Variants in DAB2IP observed in about 807,000 individuals in gnomAD.
DAB2IP encodes disabled homolog 2-interacting protein.
DAB2IP carries 28 observed loss-of-function variants against 107.2 expected under a neutral mutation model. The observed-to-expected ratio is 0.26, with a 90% confidence interval of 0.19 to 0.36. The LOEUF is 0.36. Ranked by LOEUF, DAB2IP falls within the 10% of genes least tolerant of loss-of-function variation. DAB2IP has a pLI of 1.00. For synonymous variants in DAB2IP, 755 were observed against 706.4 expected, an observed-to-expected ratio of 1.07 and a Z score of -1.09; for missense variants, 1,400 against 1,644.7, an observed-to-expected ratio of 0.85 and a Z score of 2.57.
At chr9:121,670,949 G>C (rs1282946288) in intron 1 of DAB2IP, among the ~76,000 whole-genome samples, 1 of 152,056 alleles carries the variant, frequency 6.6e-6, no homozygotes, top group Non-Finnish European at 1.5e-5. Flanking sequence ...TCAAGAGATC[G>C]AGACCATCCT....
At chr9:121,721,669 C>T (rs1830943184) in intron 3 of DAB2IP, among the ~76,000 whole-genome samples, 1 of 152,192 alleles carries the variant, frequency 6.6e-6, no homozygotes, top group African/African-American at 2.4e-5. Context: ...TAAATGTTGG[C>T]ATTTGATTCA....
At chr9:121,733,755 G>C (rs1447188935) in intron 3 of DAB2IP, among the ~76,000 whole-genome samples, 2 of 152,206 alleles carry the variant, frequency 1.3e-5, no homozygotes, top group Non-Finnish European at 2.9e-5. Flanking sequence ...GGCCTTGAAA[G>C]GTGAATGAAA....
chr9:121,744,806 G>T (rs1335976295), intron 3 of DAB2IP, among the ~76,000 whole-genome samples: 1 of 152,194 alleles, frequency 6.6e-6, no homozygotes, highest in Non-Finnish European at 1.5e-5. Flanking sequence ...GTGTGCATAG[G>T]CGCAAACCCT....
rs118181530 is a variant in DAB2IP, at chr9:121,719,898, G to A, written c.362+20440G>A. ...GGGGTGGCAGCTCCTCTCAGGGCAG[G>A]GGCCCTGTAGTCTACTCCCCAAGCA... On this transcript the variant is annotated intron_variant, in intron 3 of 15. Coordinates refer to ENST00000408936, the Ensembl canonical transcript of DAB2IP. Among the ~76,000 whole-genome samples the A allele has an allele frequency of 2.6e-3, 397 of 152,312 alleles. No individual in the cohort carries two copies. In the Middle Eastern group the frequency reaches 0.048, roughly 18 times the overall value.
At chr9:121,705,403 T>A (rs1197863910) in intron 3 of DAB2IP, among the ~76,000 whole-genome samples, 1 of 152,230 alleles carries the variant, frequency 6.6e-6, no homozygotes, top group African/African-American at 2.4e-5. Flanking sequence ...GGGGTGAGAC[T>A]GTATAAAGTT....
intron 3 of DAB2IP, among the ~76,000 whole-genome samples, chr9:121,724,729 C>G (rs980591076): frequency 3.9e-5 from 6 of 152,192 alleles, no homozygotes; most frequent in African/African-American, 1.4e-4. Context: ...GGTGGATTGA[C>G]TAGCCCAATG....
chr9:121,672,270 C>T (rs892501101), intron 1 of DAB2IP, among the ~76,000 whole-genome samples: 1 of 152,192 alleles, frequency 6.6e-6, no homozygotes, highest in Admixed American at 6.5e-5. Context: ...TACACTCTTG[C>T]TGACTTCTTT....
At chr9:121,640,119 C>T (rs2119032193) in intron 1 of DAB2IP, among the ~76,000 whole-genome samples, 1 of 152,284 alleles carries the variant, frequency 6.6e-6, no homozygotes, top group East Asian at 1.9e-4. Context: ...CTCAGGGGTC[C>T]TTCCTGTGCA....
chr9:121,568,834 G>C (rs942398469), intron 1 of DAB2IP, among the ~76,000 whole-genome samples: 2 of 152,234 alleles, frequency 1.3e-5, no homozygotes, highest in African/African-American at 2.4e-5. Context: ...CTGTCCTCCA[G>C]ATTTGCTAGT....
intron 13 of DAB2IP, among the ~76,000 whole-genome samples, chr9:121,775,155 G>A (rs1835108338): frequency 6.6e-6 from 1 of 152,196 alleles, no homozygotes; most frequent in Non-Finnish European, 1.5e-5. Flanking sequence ...AGTCCATGTA[G>A]ACGGAGGAAC....
intron 3 of DAB2IP, among the ~76,000 whole-genome samples, chr9:121,734,071 T>C (rs1282265600): frequency 2.0e-5 from 3 of 152,208 alleles, no homozygotes; most frequent in Non-Finnish European, 4.4e-5. Context: ...CTCTGTACTT[T>C]TATGTGTTAC....
intron 1 of DAB2IP, among the ~76,000 whole-genome samples, chr9:121,592,371 A>AAAAAAAG (rs1564688169): frequency 6.6e-6 from 1 of 152,112 alleles, no homozygotes; most frequent in African/African-American, 2.4e-5. Flanking sequence ...ATCTCAAAAA[A>AAAAAAAG]AAAAAAGAAA....
chr9:121,739,298 T>G (rs1249985718), intron 3 of DAB2IP, among the ~76,000 whole-genome samples: 1 of 152,092 alleles, frequency 6.6e-6, no homozygotes, highest in Non-Finnish European at 1.5e-5. Context: ...GAGACTTTGG[T>G]GTGTGTGGTG....
Position 121,728,840 on chromosome 9 carries a change from G to T in DAB2IP, c.363-28173G>T, listed in dbSNP as rs185959300. On this transcript the variant is annotated intron_variant, in intron 3 of 15. Coordinates refer to ENST00000408936, the Ensembl canonical transcript of DAB2IP. ...GGGGAGGGGGGGACAGCCAGGGGAAGGGGTTATTTAAACACACTTCAAAGA... is the reference window on the plus strand; with the variant it reads ...GGGGAGGGGGGGACAGCCAGGGGAATGGGTTATTTAAACACACTTCAAAGA... 6.4e-3 allele frequency among the ~76,000 whole-genome samples: 971 copies of T among 152,180 alleles called. 7 individuals are homozygous for T. The highest frequency in any genetic ancestry group is 0.023 in the African/African-American group (937 of 41,512).
intron 9 of DAB2IP, among the ~76,000 whole-genome samples, chr9:121,767,490 C>T (rs1834370778): frequency 6.6e-6 from 1 of 152,226 alleles, no homozygotes; most frequent in Admixed American, 6.5e-5. Flanking sequence ...AACTGCATGT[C>T]AGGGTGAGGC....
intron 1 of DAB2IP, among the ~76,000 whole-genome samples, chr9:121,645,620 A>G (rs1451367712): frequency 1.3e-5 from 2 of 152,152 alleles, no homozygotes; most frequent in African/African-American, 4.8e-5. Flanking sequence ...CTGGGATGAG[A>G]GAGCCAACCA....
chr9:121,690,073 T>C (rs1276150290), intron 2 of DAB2IP, among the ~76,000 whole-genome samples: 7 of 152,244 alleles, frequency 4.6e-5, no homozygotes, highest in Non-Finnish European at 8.8e-5. Context: ...AGAGAAGTCA[T>C]GGGAAGCTCT....
At chr9:121,773,247 C>A (rs56200518) in exon 12 of DAB2IP, 7 of 1,549,414 alleles carry the variant, frequency 4.5e-6, no homozygotes, top group Non-Finnish European at 6.1e-6. Context: ...CACGGTGCCA[C>A]GGCAGAACAG....
In DAB2IP at chr9:121,760,334, C is replaced by T. The variant is rs1417990315; in HGVS notation, c.1065C>T (p.His355=). 6.2e-7 allele frequency: 1 copy of T among 1,613,266 alleles called. No homozygotes were observed. Among genetic ancestry groups the T allele is most frequent in the Non-Finnish European group, 8.5e-7 (1 of 1,180,042 alleles). The change falls in exon 6 of 16, where the codon CAC becomes CAT. Residue 355 remains histidine (H), a synonymous_variant. Coordinates refer to ENST00000408936, the Ensembl canonical transcript of DAB2IP. The surrounding 1 kb of genome is among the most constrained non-coding windows in gnomAD (Gnocchi z 5.9). ...AGTTCGCTGAGCACATCACCAACCA[C>T]TACCTGGGGCTGTGTGCAGCCCTCG...
Sources: gnomAD v4.1 joint callset for allele counts (sites outside exome capture counted in the v4.1 genomes callset) on GRCh38, gnomAD v4.1.1 for gene constraint, Gnocchi (gnomAD v3.1) non-coding constraint, MANE v1.5 for transcripts, NCBI Gene and HGNC (gene_info 2026-07-23, HGNC 2026-07-21) for gene names.